DISC1: variants seen among roughly 807,000 people sequenced by gnomAD.
The protein encoded by DISC1 is disrupted in schizophrenia 1 protein.
Under a neutral mutation model 84.5 loss-of-function variants are expected in DISC1, and 57 were observed. The observed-to-expected ratio is 0.67, with a 90% CI of 0.55 to 0.84. The LOEUF (loss-of-function observed/expected upper bound fraction) is 0.84. Among genes scored for constraint, DISC1 ranks in the 40% least tolerant of loss-of-function variants. The probability of loss-of-function intolerance (pLI) is 0.00; values close to 1 mark genes in which losing one functional copy is unlikely to be tolerated. For missense variants in DISC1, 1,000 were observed against 1,057.8 expected (o/e 0.95, Z 0.76); for synonymous variants, 411 against 415.2 (o/e 0.99, Z 0.12).
intron 3 of DISC1, among the ~76,000 whole-genome samples, chr1:231,710,913 G>T (rs2067736037): frequency 6.6e-6 from 1 of 152,138 alleles, no homozygotes; most frequent in Admixed American, 6.5e-5. Context: ...AGCCTAAAGG[G>T]CTCAGGACAG....
rs551991322 is a variant in DISC1 at position 231,914,561 on chromosome 1, T to C, written c.1982-44267T>C. Among the ~76,000 whole-genome samples, 17 of 152,292 alleles carry C rather than the reference T, an allele frequency of 1.1e-4. No individual in the cohort carries two copies. The South Asian group carries it at 3.1e-3, about 28-fold the overall frequency. On this transcript the variant is annotated intron_variant, in intron 9 of 12. Transcript: ENST00000439617. ...CCTCCAACTTTTATCCTTTGCCTTA[T>C]TGTCCCCACCACAGGAAGAAATATT...
chr1:231,787,470 C>T (rs2077974841), intron 6 of DISC1, among the ~76,000 whole-genome samples: 1 of 151,910 alleles, frequency 6.6e-6, no homozygotes, highest in African/African-American at 2.4e-5. Context: ...AAGAGAGAGA[C>T]AGAGAAGGGG....
chr1:231,691,687 A>G (rs1362902104), intron 1 of DISC1, among the ~76,000 whole-genome samples: 1 of 152,220 alleles, frequency 6.6e-6, no homozygotes, highest in Non-Finnish European at 1.5e-5. Context: ...TCCTTTGGTA[A>G]TTGAAGCCAG....
At chr1:231,761,311 C>T (rs113468531) in intron 4 of DISC1, among the ~76,000 whole-genome samples, 104 of 152,232 alleles carry the variant, frequency 6.8e-4, no homozygotes, top group Non-Finnish European at 1.2e-3. Context: ...TAATTTGCAG[C>T]GACATCAGGG....
intron 9 of DISC1, among the ~76,000 whole-genome samples, chr1:231,946,519 A>C (rs982665753): frequency 3.3e-5 from 5 of 152,328 alleles, no homozygotes; most frequent in African/African-American, 1.2e-4. Context: ...TGAATGGGCA[A>C]AAACTGAAAG....
At chr1:231,695,227 A>C (rs1388350537) in intron 2 of DISC1, among the ~76,000 whole-genome samples, 1 of 152,192 alleles carries the variant, frequency 6.6e-6, no homozygotes, top group Non-Finnish European at 1.5e-5. Context: ...CGCTTCACTC[A>C]TTCCCTTCCA....
At chr1:231,872,542 C>A (rs903082368) in intron 9 of DISC1, among the ~76,000 whole-genome samples, 1 of 152,116 alleles carries the variant, frequency 6.6e-6, no homozygotes, top group Non-Finnish European at 1.5e-5. Flanking sequence ...AAATGCCTTT[C>A]TAGGGCTGAA....
rs1432767112 is a variant in DISC1 at position 231,702,139 on chromosome 1, C to A, written c.1117+115C>A. The A allele has an allele frequency of 5.4e-6, 8 of 1,472,462 alleles. No individual in the cohort carries two copies. In the African/African-American group the frequency reaches 8.7e-5, roughly 16 times the overall value. The allele number at this position is 1,472,462 out of a possible 1,614,324, so 91.2% of individuals were successfully genotyped here. ...GAATTGTACAATCTGTTCCTCTGAT[C>A]ATCTCTACCAGGGAATAGTTGACTC... On this transcript the variant is annotated intron_variant, in intron 3 of 12. Coordinates refer to ENST00000439617, the MANE Select transcript of DISC1 (RefSeq NM_018662.3).
At chr1:231,671,824 T>C (rs931904118) in intron 1 of DISC1, among the ~76,000 whole-genome samples, 1 of 152,226 alleles carries the variant, frequency 6.6e-6, no homozygotes, top group Admixed American at 6.5e-5. Flanking sequence ...GTTTTCCTCA[T>C]TTGTGAAGGA....
intron 10 of DISC1, among the ~76,000 whole-genome samples, chr1:231,970,777 A>G (rs2102818773): frequency 6.6e-6 from 1 of 152,364 alleles, no homozygotes; most frequent in South Asian, 2.1e-4. Flanking sequence ...GCTGTAAAGC[A>G]ATGATAAGAT....
chr1:231,958,642 C>T (rs778105238), intron 9 of DISC1, among the ~76,000 whole-genome samples, 186 bp from the exon 10 acceptor site: 12 of 152,194 alleles, frequency 7.9e-5, no homozygotes, highest in African/African-American at 2.2e-4. Flanking sequence ...CTCAGAGCCC[C>T]GGAATCCTCC....
chr1:231,772,781 A>G (rs2076653942), intron 6 of DISC1, among the ~76,000 whole-genome samples: 1 of 152,110 alleles, frequency 6.6e-6, no homozygotes, highest in Non-Finnish European at 1.5e-5. Context: ...ATCACATCCT[A>G]TCCAGCCTAT....
chr1:231,762,771 T>C (rs1029394612), intron 4 of DISC1, among the ~76,000 whole-genome samples: 1 of 152,062 alleles, frequency 6.6e-6, no homozygotes, highest in African/African-American at 2.4e-5. Flanking sequence ...GCGTTCTGTC[T>C]CCATCCCCAA....
intron 9 of DISC1, among the ~76,000 whole-genome samples, chr1:231,849,329 A>G (rs527655898): frequency 6.6e-6 from 1 of 152,256 alleles, no homozygotes; most frequent in African/African-American, 2.4e-5. Flanking sequence ...CCTGTTGGTC[A>G]GGCTGGTCTT....
At chr1:231,873,497 A>T (rs2085620606) in intron 9 of DISC1, among the ~76,000 whole-genome samples, 1 of 152,138 alleles carries the variant, frequency 6.6e-6, no homozygotes, top group African/African-American at 2.4e-5. Context: ...CCAATTAGTG[A>T]TTTGAAAACC....
rs572803226 is a variant in DISC1, at chr1:231,665,866, T to G, written c.68-27960T>G. ...TGAACTAGTTCTACAGAGTTTCCTC[T>G]TTTCCTTTGCATCTCTCCTTCCCAC... On this transcript the variant is annotated intron_variant, in intron 1 of 12. Transcript: ENST00000439617. Among the ~76,000 whole-genome samples, 6 of 152,308 alleles carry G rather than the reference T, an allele frequency of 3.9e-5. No homozygotes were observed. In the South Asian group the frequency reaches 1.2e-3, roughly 32 times the overall value.
At chr1:231,716,487 C>T (rs2068743936) in intron 3 of DISC1, among the ~76,000 whole-genome samples, 1 of 151,912 alleles carries the variant, frequency 6.6e-6, no homozygotes, top group Non-Finnish European at 1.5e-5. Flanking sequence ...TCGTTTTCTG[C>T]CTGATGCTTT....
rs1032952358 is a variant in DISC1, at chr1:232,039,565, G to A, written c.*2734G>A. 7.2e-5 allele frequency: 11 copies of A among 152,054 alleles called. No homozygotes were observed. The highest frequency in any genetic ancestry group is 3.3e-4 in the Admixed American group (5 of 15,262). The allele number at this position is 152,054 out of a possible 1,614,324, so 9.4% of individuals were successfully genotyped here. On this transcript the variant is annotated 3_prime_UTR_variant, in exon 13 of 13. Coordinates refer to ENST00000439617, the MANE Select transcript of DISC1 (RefSeq NM_018662.3). ...TTGCTTGGTCTTAGAGTATCATTCA[G>A]AAAGTCCGCTAAGGGCCAGCGTGCT...
At chr1:231,680,160 G>A (rs541148295) in intron 1 of DISC1, among the ~76,000 whole-genome samples, 115 of 152,246 alleles carry the variant, frequency 7.6e-4, no homozygotes, top group African/African-American at 2.6e-3. Flanking sequence ...CACAGGGGGC[G>A]GAGGCTGTAG....
Sources: allele counts gnomAD v4.1 joint callset (sites outside exome capture counted in the v4.1 genomes callset), GRCh38; gene constraint gnomAD v4.1.1; transcripts MANE v1.5; gene names NCBI Gene and HGNC (gene_info 2026-07-23, HGNC 2026-07-21).